ADGRL2: variants seen among roughly 807,000 people sequenced by gnomAD.
The protein encoded by ADGRL2 is adhesion G protein-coupled receptor L2, also known as calcium-independent alpha-latrotoxin receptor 2.
In ADGRL2, 44 loss-of-function variants were observed where a neutral mutation model predicts 157.4. The observed-to-expected ratio is 0.28, with a 90% CI of 0.22 to 0.36. The LOEUF (loss-of-function observed/expected upper bound fraction) is 0.36. Ranked by LOEUF, ADGRL2 falls within the 10% of genes least tolerant of loss-of-function variation. The probability of loss-of-function intolerance (pLI) is 1.00; values close to 1 mark genes in which losing one functional copy is unlikely to be tolerated. For synonymous variants in ADGRL2, 585 were observed against 624.7 expected (o/e 0.94, Z 0.95); for missense variants, 1,510 against 1,768.9 (o/e 0.85, Z 2.63).
intron 1 of ADGRL2, among the ~76,000 whole-genome samples, chr1:81,416,101 C>T (rs771107436): frequency 1.3e-5 from 2 of 152,048 alleles, no homozygotes; most frequent in African/African-American, 2.4e-5. Flanking sequence ...CCGCCCACCT[C>T]GGCCTCCCAA....
chr1:81,785,370 TAGGATTTTA>T (rs2086995098), intron 2 of ADGRL2, among the ~76,000 whole-genome samples: 1 of 152,116 alleles, frequency 6.6e-6, no homozygotes, highest in Non-Finnish European at 1.5e-5. Context: ...ATATATTACT[TAGGATTTTA>T]AGCTAATAAT....
At chr1:81,619,293 G>A (rs1456135413) in intron 3 of ADGRL2, among the ~76,000 whole-genome samples, 1 of 149,836 alleles carries the variant, frequency 6.7e-6, no homozygotes, top group Non-Finnish European at 1.5e-5. Context: ...TTTTTTTAAG[G>A]TGTCTGCCTT....
chr1:81,333,632 G>A (rs1293666774), intron 1 of ADGRL2, among the ~76,000 whole-genome samples: 5 of 151,954 alleles, frequency 3.3e-5, no homozygotes, highest in Admixed American at 3.3e-4. Flanking sequence ...TGGCCAGGCT[G>A]GTCTTGAACT....
chr1:81,822,364 GAAA>G (rs1020391246), intron 1 of ADGRL2, among the ~76,000 whole-genome samples: 1 of 151,150 alleles, frequency 6.6e-6, no homozygotes, highest in Admixed American at 6.6e-5. Context: ...AGTTGTGCAA[GAAA>G]AAAATCTTTA....
At chr1:81,818,185 T>C (rs539309822) in intron 1 of ADGRL2, among the ~76,000 whole-genome samples, 17 of 151,918 alleles carry the variant, frequency 1.1e-4, no homozygotes, top group African/African-American at 4.1e-4. Flanking sequence ...CTCTTGAGAG[T>C]CTTACTAAAA....
intron 1 of ADGRL2, among the ~76,000 whole-genome samples, chr1:81,314,219 A>G (rs1235894315): frequency 6.6e-6 from 1 of 152,202 alleles, no homozygotes; most frequent in East Asian, 1.9e-4. Flanking sequence ...TCTTCATCAT[A>G]TATAAACCCA....
chr1:81,438,155 C>T (rs2077442861), intron 1 of ADGRL2, among the ~76,000 whole-genome samples: 1 of 152,144 alleles, frequency 6.6e-6, no homozygotes, highest in South Asian at 2.1e-4. Context: ...GGAACCATCT[C>T]CCAAAACAAA....
chr1:81,345,311 C>G (rs540246327), intron 1 of ADGRL2, among the ~76,000 whole-genome samples: 3 of 152,316 alleles, frequency 2.0e-5, no homozygotes, highest in East Asian at 3.9e-4. Flanking sequence ...CTCTCTCTCT[C>G]TCTTCCTGGT....
At chr1:81,516,160 A>G (rs1212293218) in intron 2 of ADGRL2, among the ~76,000 whole-genome samples, 4 of 152,234 alleles carry the variant, frequency 2.6e-5, no homozygotes, top group African/African-American at 7.2e-5. Flanking sequence ...ATAAATGCCC[A>G]TAAGTGAAAT....
chr1:81,831,291 A>T (rs1014350377), intron 1 of ADGRL2, among the ~76,000 whole-genome samples: 5 of 152,334 alleles, frequency 3.3e-5, no homozygotes, highest in African/African-American at 9.6e-5. Context: ...CACTTTAGTA[A>T]TATAAATGAG....
intron 4 of ADGRL2, among the ~76,000 whole-genome samples, chr1:81,939,657 T>G (rs1647213528): frequency 6.6e-6 from 1 of 151,440 alleles, no homozygotes; most frequent in Admixed American, 6.6e-5. Context: ...GTCATATACT[T>G]GTATGTTTGG....
At chr1:81,862,277 T>C (rs1283170068) in intron 2 of ADGRL2, among the ~76,000 whole-genome samples, 1 of 152,142 alleles carries the variant, frequency 6.6e-6, no homozygotes, top group Non-Finnish European at 1.5e-5. Flanking sequence ...AGACATATTG[T>C]TTTTACGTTA....
At chr1:81,656,185 T>C (rs376764964) in intron 3 of ADGRL2, among the ~76,000 whole-genome samples, 8 of 152,180 alleles carry the variant, frequency 5.3e-5, no homozygotes, top group African/African-American at 1.9e-4. Context: ...CTTATGGACT[T>C]CACAGAGTAG....
At chr1:81,620,960 T>C (rs1413098131) in intron 3 of ADGRL2, among the ~76,000 whole-genome samples, 1 of 152,156 alleles carries the variant, frequency 6.6e-6, no homozygotes, top group East Asian at 1.9e-4. Flanking sequence ...AGAATCAACT[T>C]TGAAATAACG....
At chr1:81,703,062 G>A (rs17106963) in intron 1 of ADGRL2, among the ~76,000 whole-genome samples, 2,279 of 152,288 alleles carry the variant, frequency 0.015, 59 homozygotes, top group African/African-American at 0.052. Context: ...TTAATACAGC[G>A]TGAGAACCAT....
intron 1 of ADGRL2, among the ~76,000 whole-genome samples, chr1:81,748,927 C>G (rs766803965): frequency 5.9e-5 from 9 of 152,114 alleles, no homozygotes; most frequent in Non-Finnish European, 1.2e-4. Flanking sequence ...CTTGGCCTCC[C>G]AAAGTGCTGA....
intron 1 of ADGRL2, among the ~76,000 whole-genome samples, chr1:81,735,619 A>G (rs893817784): frequency 2.6e-5 from 4 of 151,294 alleles, no homozygotes; most frequent in Non-Finnish European, 4.4e-5. Context: ...GTGAAACCCC[A>G]TCTTTACTAA....
At chr1:81,311,708 ACAG>A (rs1211685687) in intron 1 of ADGRL2, among the ~76,000 whole-genome samples, 2 of 152,234 alleles carry the variant, frequency 1.3e-5, no homozygotes, top group African/African-American at 4.8e-5. Flanking sequence ...ACGCTCTCTG[ACAG>A]CATATTAAAA....
intron 2 of ADGRL2, among the ~76,000 whole-genome samples, chr1:81,897,981 C>T (rs2151561442): frequency 6.6e-6 from 1 of 152,160 alleles, no homozygotes; most frequent in Middle Eastern, 3.4e-3. Flanking sequence ...GCCTGCAGTC[C>T]TAACTACTCT....
Sources: allele counts gnomAD v4.1 joint callset (sites outside exome capture counted in the v4.1 genomes callset), GRCh38; gene constraint gnomAD v4.1.1; transcripts MANE v1.5; gene names NCBI Gene and HGNC (gene_info 2026-07-23, HGNC 2026-07-21).